Variants in VAMP4 observed in about 807,000 individuals in gnomAD.
VAMP4 encodes the protein vesicle associated membrane protein 4, also known as vesicle-associated membrane protein 4.
Under a neutral mutation model 23.5 loss-of-function variants are expected in VAMP4, and 19 were observed. That is an observed-to-expected ratio of 0.81 (90% CI 0.56 to 1.19). The LOEUF (loss-of-function observed/expected upper bound fraction) is 1.19, where lower values mean the gene tolerates loss of function less well. VAMP4 is among the 50% of genes most tolerant of loss of function. The pLI, the probability that VAMP4 is intolerant of heterozygous loss-of-function variation, is 0.00. For synonymous variants in VAMP4, 31 were observed against 51.0 expected (o/e 0.61, Z 1.67); for missense variants, 145 against 168.6 (o/e 0.86, Z 0.78).
chr1:171,723,862 T>C (rs1655278347), intron 3 of VAMP4, among the ~76,000 whole-genome samples: 1 of 152,108 alleles, frequency 6.6e-6, no homozygotes, highest in African/African-American at 2.4e-5. Context: ...TAAAGACAGG[T>C]GTAAGAAATT....
At chr1:171,727,642 C>T (rs1655417319) in intron 3 of VAMP4, among the ~76,000 whole-genome samples, 1 of 152,158 alleles carries the variant, frequency 6.6e-6, no homozygotes, top group Non-Finnish European at 1.5e-5. Flanking sequence ...AAAACCTGCA[C>T]ACAAATGTTT....
chr1:171,723,398 T>C (rs775635081), intron 3 of VAMP4, among the ~76,000 whole-genome samples: 7 of 152,188 alleles, frequency 4.6e-5, no homozygotes, highest in Non-Finnish European at 1.0e-4. Context: ...ATCCCTTATC[T>C]GCAACATATA....
intron 2 of VAMP4, among the ~76,000 whole-genome samples, chr1:171,732,976 A>G (rs1198607687): frequency 6.6e-6 from 1 of 152,180 alleles, no homozygotes; most frequent in Non-Finnish European, 1.5e-5. Flanking sequence ...TAAGAAAAAG[A>G]GACATTATAG....
At chr1:171,725,428 C>T (rs1448580341) in intron 3 of VAMP4, among the ~76,000 whole-genome samples, 2 of 152,078 alleles carry the variant, frequency 1.3e-5, no homozygotes, top group South Asian at 2.1e-4. Context: ...TAATGAGACC[C>T]TGTCTCAGTC....
chr1:171,735,635 G>A (rs923683350), intron 2 of VAMP4, among the ~76,000 whole-genome samples: 2 of 152,054 alleles, frequency 1.3e-5, no homozygotes, highest in African/African-American at 2.4e-5. Context: ...GATTTCCTTG[G>A]GGCAATAGGA....
chr1:171,731,276 A>T (rs564477633), intron 2 of VAMP4, among the ~76,000 whole-genome samples: 1 of 152,178 alleles, frequency 6.6e-6, no homozygotes, highest in South Asian at 2.1e-4. Flanking sequence ...TGGGGTGGGG[A>T]GAAGGGGGAG....
rs111434250 is a variant in VAMP4, at chr1:171,733,599, A to G, written c.66+4750T>C. Among the ~76,000 whole-genome samples, 470 of 152,336 alleles carry G rather than the reference A, an allele frequency of 3.1e-3. 4 individuals carry two copies. The highest frequency in any genetic ancestry group is 0.011 in the African/African-American group (453 of 41,584). On this transcript the variant is annotated intron_variant, in intron 2 of 7. Coordinates refer to ENST00000236192, the MANE Select transcript of VAMP4 (RefSeq NM_003762.5). Reference sequence around the variant, plus strand: ...TTTCATATATTAATTGAATAAACACAAGTGCTAGGGATACAGTGTCAAAAA... The same window carrying G: ...TTTCATATATTAATTGAATAAACACGAGTGCTAGGGATACAGTGTCAAAAA...
In VAMP4 at chr1:171,710,802, T is replaced by C. The variant is rs772412776; in HGVS notation, c.177A>G (p.Gln59=). The C allele has an allele frequency of 1.9e-6, 3 of 1,605,972 alleles. No homozygotes were observed. Among genetic ancestry groups the C allele is most frequent in the Non-Finnish European group, 8.5e-7 (1 of 1,176,182 alleles). ...GCATGACATCAATAACTTCATCCAC[T>C]TGATTCTGAACACTAGTTTAAAAAA... ...RNDKIKHVQN[Q]VDEVIDVMQE... The change falls in exon 5 of 8, where the codon CAA becomes CAG. Residue 59 remains glutamine, a synonymous_variant. Transcript: ENST00000236192.
chr1:171,713,990 G>C (rs1654946067), intron 4 of VAMP4, among the ~76,000 whole-genome samples: 1 of 152,102 alleles, frequency 6.6e-6, no homozygotes, highest in Non-Finnish European at 1.5e-5. Flanking sequence ...ATTGATAATG[G>C]AAACCGCAAA....
At chr1:171,729,105 A>G (rs745754513) in intron 2 of VAMP4, among the ~76,000 whole-genome samples, 2 of 152,218 alleles carry the variant, frequency 1.3e-5, no homozygotes, top group Non-Finnish European at 2.9e-5. Flanking sequence ...AGACTTTTAT[A>G]ACATACAACA....
intron 3 of VAMP4, among the ~76,000 whole-genome samples, chr1:171,727,259 A>AAG (rs1655404399): frequency 2.0e-5 from 3 of 149,362 alleles, no homozygotes; most frequent in African/African-American, 7.3e-5. Context: ...AAAAAAAAAA[A>AAG]GCCAAAAAAA....
chr1:171,728,680 G>A (rs1159736594), intron 2 of VAMP4, 110 bp from the exon 3 acceptor site: 2 of 1,049,712 alleles, frequency 1.9e-6, no homozygotes, highest in African/African-American at 1.6e-5. Flanking sequence ...AACTCCAGGT[G>A]TCCATAAAGA....
intron 2 of VAMP4, among the ~76,000 whole-genome samples, chr1:171,729,164 G>A (rs1489927525): frequency 6.6e-6 from 1 of 152,098 alleles, no homozygotes; most frequent in Non-Finnish European, 1.5e-5. Flanking sequence ...AAAGGGGTGG[G>A]TATAAAGTCC....
At chr1:171,731,272 G>C (rs1655557293) in intron 2 of VAMP4, among the ~76,000 whole-genome samples, 1 of 152,098 alleles carries the variant, frequency 6.6e-6, no homozygotes, top group Admixed American at 6.5e-5. Flanking sequence ...GTTGTGGGGT[G>C]GGGAGAAGGG....
intron 2 of VAMP4, among the ~76,000 whole-genome samples, chr1:171,737,999 A>G (rs1386424111): frequency 6.6e-6 from 1 of 152,206 alleles, no homozygotes; most frequent in African/African-American, 2.4e-5. Flanking sequence ...TTTTTGAGAC[A>G]GGGTCTTGCT....
intron 1 of VAMP4, among the ~76,000 whole-genome samples, chr1:171,740,918 T>C (rs1655902962): frequency 1.3e-5 from 2 of 152,234 alleles, no homozygotes; most frequent in Non-Finnish European, 2.9e-5. Flanking sequence ...ATTAGCTACC[T>C]TGATGAACTT....
At chr1:171,738,644 G>A (rs1410621317) in intron 1 of VAMP4, among the ~76,000 whole-genome samples, 181 bp from the exon 2 acceptor site, 1 of 152,120 alleles carries the variant, frequency 6.6e-6, no homozygotes, top group Non-Finnish European at 1.5e-5. Flanking sequence ...CAACACCTAA[G>A]AAATAGTTAA....
intron 2 of VAMP4, 37 bp from the exon 3 acceptor site, chr1:171,728,607 C>G (rs1655451438): frequency 1.3e-6 from 2 of 1,542,208 alleles, no homozygotes; most frequent in Admixed American, 4.2e-5. Context: ...TTTTCAGATT[C>G]AGAGGGCTTA....
Position 171,709,704 on chromosome 1 carries a change from G to A in VAMP4, c.306C>T (p.Ser102=). 6.2e-7 allele frequency: 1 copy of A among 1,612,242 alleles called. No individual in the cohort carries two copies. The highest frequency in any genetic ancestry group is 8.5e-7 in the Non-Finnish European group (1 of 1,178,830). The change falls in exon 6 of 8, where the codon TCC becomes TCT. Residue 102 remains serine, a synonymous_variant. Transcript: ENST00000236192. ...ACCACATTTGCCTTCGAAGTTGTTT[G>A]GATCTGTTGCTAAAAGCTGTTGCAT... ...SDNATAFSNR[S]KQLRRQMWWR...
Sources: gnomAD v4.1 joint callset for allele counts (sites outside exome capture counted in the v4.1 genomes callset) on GRCh38, gnomAD v4.1.1 for gene constraint, MANE v1.5 for transcripts, NCBI Gene and HGNC (gene_info 2026-07-23, HGNC 2026-07-21) for gene names.